Variants in HBS1L observed in about 807,000 individuals in gnomAD.
HBS1L encodes HBS1 like translational GTPase.
A neutral mutation model predicts 88.9 loss-of-function variants in HBS1L; 55 were observed. The observed-to-expected ratio is 0.62, with a 90% CI of 0.50 to 0.77. The LOEUF is 0.77. Ranked by LOEUF, HBS1L falls within the 30% of genes least tolerant of loss-of-function variation. The pLI is 0.00. For synonymous variants in HBS1L, 267 were observed against 288.5 expected, an observed-to-expected ratio of 0.93 and a Z score of 0.76; for missense variants, 741 against 829.3, an observed-to-expected ratio of 0.89 and a Z score of 1.31.
rs144265784 is a variant in HBS1L at position 135,009,565 on chromosome 6, C to A, written c.431-6723G>T. ...AATGGCTTTTTTCAAAAAAAAAGAT[C>A]TTTTGCAGATTATGTTCATGGACTC... On this transcript the variant is annotated intron_variant, in intron 4 of 17. Transcript: ENST00000367837. Among the ~76,000 whole-genome samples, 122 of 152,050 alleles carry A rather than the reference C, an allele frequency of 8.0e-4. 1 individual carries two copies. The highest frequency in any genetic ancestry group is 2.5e-3 in the African/African-American group (103 of 41,494).
intron 4 of HBS1L, among the ~76,000 whole-genome samples, chr6:135,032,776 G>C (rs543460626): frequency 6.6e-6 from 1 of 152,192 alleles, no homozygotes; most frequent in East Asian, 1.9e-4. Flanking sequence ...ATGACAATTA[G>C]TTACATGACC....
chr6:135,041,158 G>A (rs756682717), intron 3 of HBS1L, among the ~76,000 whole-genome samples: 17 of 145,236 alleles, frequency 1.2e-4, no homozygotes, highest in Non-Finnish European at 2.4e-4. Context: ...AAAAAAAAAA[G>A]TATTTGATAC....
chr6:134,980,472 A>G (rs533692133), intron 13 of HBS1L, among the ~76,000 whole-genome samples: 1 of 152,182 alleles, frequency 6.6e-6, no homozygotes, highest in East Asian at 1.9e-4. Context: ...TTTAGAATGA[A>G]CATATCTGAA....
chr6:134,967,878 G>T (rs1774361402), intron 16 of HBS1L, among the ~76,000 whole-genome samples: 2 of 152,166 alleles, frequency 1.3e-5, no homozygotes, highest in African/African-American at 4.8e-5. Context: ...TGGTCCTCAA[G>T]AAATGTTAGT....
intron 4 of HBS1L, among the ~76,000 whole-genome samples, chr6:135,014,762 A>T (rs1442541789): frequency 6.7e-6 from 1 of 150,154 alleles, no homozygotes; most frequent in East Asian, 2.0e-4. Flanking sequence ...CATGCCTGTA[A>T]TCCCATCACC....
intron 4 of HBS1L, among the ~76,000 whole-genome samples, chr6:135,016,385 CAA>C (rs914580988): frequency 1.3e-5 from 2 of 152,166 alleles, no homozygotes; most frequent in African/African-American, 2.4e-5. Context: ...TTCTGCTTAA[CAA>C]AGAGAAAGTT....
intron 9 of HBS1L, among the ~76,000 whole-genome samples, chr6:134,987,031 C>G (rs910642231): frequency 6.6e-6 from 1 of 152,074 alleles, no homozygotes; most frequent in Non-Finnish European, 1.5e-5. Flanking sequence ...AGTCTTAAAA[C>G]GTACATTCCC....
At chr6:135,047,670 G>C (rs186184804) in intron 2 of HBS1L, among the ~76,000 whole-genome samples, 1 of 152,148 alleles carries the variant, frequency 6.6e-6, no homozygotes, top group African/African-American at 2.4e-5. Flanking sequence ...GTCTCCTAAC[G>C]AGTCTACTTA....
intron 4 of HBS1L, chr6:135,037,895 G>A (rs1378820242): frequency 1.3e-6 from 2 of 1,551,164 alleles, no homozygotes; most frequent in South Asian, 2.4e-5. Flanking sequence ...GAAGAATTAT[G>A]AGATAATCCG....
chr6:135,017,552 CTT>C (rs1454851911), intron 4 of HBS1L, among the ~76,000 whole-genome samples: 2 of 151,954 alleles, frequency 1.3e-5, no homozygotes, highest in African/African-American at 2.4e-5. Context: ...CTTTATAACT[CTT>C]AATCAATATT....
chr6:135,052,317 C>T (rs1304613613), intron 1 of HBS1L, among the ~76,000 whole-genome samples: 1 of 152,134 alleles, frequency 6.6e-6, no homozygotes, highest in African/African-American at 2.4e-5. Context: ...CAACAATAGG[C>T]CAGGCATCGT....
chr6:135,046,602 T>C (rs1776921239), intron 2 of HBS1L, among the ~76,000 whole-genome samples: 1 of 152,200 alleles, frequency 6.6e-6, no homozygotes, highest in Non-Finnish European at 1.5e-5. Flanking sequence ...CTCACACCTA[T>C]AATCCTGGCA....
At chr6:135,013,221 G>A (rs571309000) in intron 4 of HBS1L, among the ~76,000 whole-genome samples, 1 of 152,284 alleles carries the variant, frequency 6.6e-6, no homozygotes, top group Admixed American at 6.5e-5. Flanking sequence ...AGAATTAAAT[G>A]AGCCAATACA....
intron 1 of HBS1L, 41 bp from the exon 2 acceptor site, chr6:135,050,688 T>C (rs1201142237): frequency 7.6e-7 from 1 of 1,310,112 alleles, no homozygotes; most frequent in Admixed American, 2.1e-5. Context: ...TTACAAGTTC[T>C]TTTTATATTC....
At chr6:135,023,888 AT>A in intron 4 of HBS1L, among the ~76,000 whole-genome samples, 1 of 152,350 alleles carries the variant, frequency 6.6e-6, no homozygotes, top group East Asian at 1.9e-4. Flanking sequence ...ACTGTAAAAA[AT>A]GTCCAATTTA....
intron 1 of HBS1L, 140 bp from the exon 2 acceptor site, chr6:135,050,787 A>C (rs1042381068): frequency 1.2e-5 from 7 of 599,094 alleles, no homozygotes; most frequent in Non-Finnish European, 1.2e-5. Flanking sequence ...TTTTCAAAAA[A>C]ACTCTTAAGA....
At chr6:134,985,965 C>G in intron 11 of HBS1L, 101 bp downstream of exon 11, 3 of 663,488 alleles carry the variant, frequency 4.5e-6, no homozygotes, top group Non-Finnish European at 8.0e-6. Context: ...ACTACAAATC[C>G]TATGCTTTTT....
intron 4 of HBS1L, among the ~76,000 whole-genome samples, chr6:135,032,713 A>C (rs7766189): frequency 0.47 from 70,894 of 151,912 alleles, 16,863 homozygotes; most frequent in South Asian, 0.56. Context: ...TTTTATCTTC[A>C]GTGGTTCCTT....
intron 4 of HBS1L, among the ~76,000 whole-genome samples, chr6:135,022,298 T>C (rs908752463): frequency 2.0e-5 from 3 of 150,348 alleles, no homozygotes; most frequent in Admixed American, 2.0e-4. Flanking sequence ...CAAATATACA[T>C]GTGATTAGAA....
Sources: gnomAD v4.1 joint callset for allele counts (sites outside exome capture counted in the v4.1 genomes callset) on GRCh38, gnomAD v4.1.1 for gene constraint, MANE v1.5 for transcripts, NCBI Gene and HGNC (gene_info 2026-07-23, HGNC 2026-07-21) for gene names.